PHF24: variants seen among roughly 807,000 people sequenced by gnomAD.
The protein encoded by PHF24 is Galpha inhibitory interacting protein.
PHF24 carries 25 observed loss-of-function variants against 42.6 expected under a neutral mutation model. The ratio of observed to expected loss-of-function variants is 0.59; its 90% CI spans 0.43 to 0.82. The LOEUF is 0.82. Ranked by LOEUF, PHF24 falls within the 40% of genes least tolerant of loss-of-function variation. PHF24 has a pLI of 0.00. For synonymous variants in PHF24, 185 were observed against 204.8 expected (o/e 0.90, Z 0.83); for missense variants, 470 against 538.1 (o/e 0.87, Z 1.25).
At chr9:34,839,095 G>T in the PHF24 span, among the ~76,000 whole-genome samples, 15 of 152,214 alleles carry the variant, frequency 9.9e-5, no homozygotes, top group African/African-American at 2.7e-4. Context: ...TATCCAGTCT[G>T]TGTGGCCTCA....
At chr9:34,830,101 T>G in the PHF24 span, among the ~76,000 whole-genome samples, 1 of 152,222 alleles carries the variant, frequency 6.6e-6, no homozygotes, top group Non-Finnish European at 1.5e-5. Flanking sequence ...ATCTAGAAAC[T>G]GGGGCTCAGA....
the PHF24 span, among the ~76,000 whole-genome samples, chr9:34,695,048 T>C: frequency 6.6e-6 from 1 of 152,214 alleles, no homozygotes; most frequent in Non-Finnish European, 1.5e-5. Flanking sequence ...GCTGGGGGCC[T>C]CTAGACAGCC....
chr9:34,911,955 G>A, the PHF24 span, among the ~76,000 whole-genome samples: 1 of 152,130 alleles, frequency 6.6e-6, no homozygotes, highest in Non-Finnish European at 1.5e-5. Context: ...CCTGAGTCGG[G>A]GAACTATATA....
At chr9:34,913,634 G>A in the PHF24 span, among the ~76,000 whole-genome samples, 1 of 152,152 alleles carries the variant, frequency 6.6e-6, no homozygotes, top group Non-Finnish European at 1.5e-5. Context: ...CTAAAGCAGG[G>A]TTCAGCAAAC....
the PHF24 span, among the ~76,000 whole-genome samples, chr9:34,859,895 GT>G: frequency 1.3e-5 from 2 of 150,990 alleles, no homozygotes; most frequent in East Asian, 3.9e-4. Flanking sequence ...TTCAAGTGTT[GT>G]TTTTTTTTAA....
At chr9:34,723,633 T>G in the PHF24 span, 6 of 1,551,630 alleles carry the variant, frequency 3.9e-6, no homozygotes, top group African/African-American at 1.4e-5. Context: ...AGGCTGGGCT[T>G]CTTTTGAGCA....
At chr9:34,764,718 A>C in the PHF24 span, among the ~76,000 whole-genome samples, 6 of 151,758 alleles carry the variant, frequency 4.0e-5, no homozygotes, top group African/African-American at 1.5e-4. Flanking sequence ...CTCTGATTTT[A>C]GTTATTTCTT....
the PHF24 span, among the ~76,000 whole-genome samples, chr9:34,691,711 G>A: frequency 1.7e-3 from 257 of 152,302 alleles, no homozygotes; most frequent in African/African-American, 5.8e-3. Context: ...GGACAACCAT[G>A]AGATCCTGGG....
At chr9:34,891,351 G>A in the PHF24 span, among the ~76,000 whole-genome samples, 222 of 152,306 alleles carry the variant, frequency 1.5e-3, 1 homozygote, top group African/African-American at 5.1e-3. Context: ...TGGCAGATAT[G>A]GGCAGGGACA....
chr9:34,818,404 A>G, the PHF24 span, among the ~76,000 whole-genome samples: 1 of 152,142 alleles, frequency 6.6e-6, no homozygotes, highest in Non-Finnish European at 1.5e-5. Context: ...GATTTTGTCA[A>G]ATGTATTTTC....
the PHF24 span, among the ~76,000 whole-genome samples, chr9:34,874,395 T>C: frequency 6.6e-6 from 1 of 152,146 alleles, no homozygotes; most frequent in Non-Finnish European, 1.5e-5. Flanking sequence ...GGGACGTATC[T>C]CAAAATAACA....
chr9:34,811,847 T>C, the PHF24 span, among the ~76,000 whole-genome samples: 2 of 152,040 alleles, frequency 1.3e-5, no homozygotes, highest in Non-Finnish European at 2.9e-5. Context: ...ATAAAGAAAG[T>C]GAAAAGACAG....
the PHF24 span, among the ~76,000 whole-genome samples, chr9:34,893,886 T>G: frequency 6.6e-6 from 1 of 152,174 alleles, no homozygotes; most frequent in Non-Finnish European, 1.5e-5. Context: ...TTGAAGTTCA[T>G]GTAGGACCTC....
intron 1 of PHF24, among the ~76,000 whole-genome samples, chr9:34,959,031 TTCC>T (rs1826496196): frequency 6.6e-6 from 1 of 152,170 alleles, no homozygotes; most frequent in Non-Finnish European, 1.5e-5. Context: ...CCTCTTTCCA[TTCC>T]TCCTCTTTCC....
chr9:34,697,558 G>A, the PHF24 span, among the ~76,000 whole-genome samples: 5 of 152,148 alleles, frequency 3.3e-5, no homozygotes, highest in African/African-American at 7.2e-5. Flanking sequence ...GACCTCAGCC[G>A]ATCCACCTGC....
At chr9:34,978,381 C>A in exon 8 of PHF24, 1 of 480,774 alleles carries the variant, frequency 2.1e-6, no homozygotes. Flanking sequence ...CCTGCCACCA[C>A]ACTTATATAC....
At chr9:34,816,404 A>G in the PHF24 span, among the ~76,000 whole-genome samples, 3 of 152,346 alleles carry the variant, frequency 2.0e-5, no homozygotes, top group Admixed American at 2.0e-4. Flanking sequence ...CCCACAGATC[A>G]AAGAGGATCA....
the PHF24 span, among the ~76,000 whole-genome samples, chr9:34,698,816 G>A: frequency 3.9e-5 from 6 of 152,192 alleles, no homozygotes; most frequent in Non-Finnish European, 8.8e-5. Context: ...AGGCTCCGGG[G>A]AAAGTTGCCC....
At chr9:34,864,333 G>A in the PHF24 span, among the ~76,000 whole-genome samples, 1 of 152,090 alleles carries the variant, frequency 6.6e-6, no homozygotes, top group East Asian at 1.9e-4. Context: ...ACCCAAAGAA[G>A]ACTTCCTCAA....
Sources: gnomAD v4.1 joint callset for allele counts (sites outside exome capture counted in the v4.1 genomes callset) on GRCh38, gnomAD v4.1.1 for gene constraint, MANE v1.5 for transcripts, NCBI Gene and HGNC (gene_info 2026-07-23, HGNC 2026-07-21) for gene names.